The following ATXN2 variants were observed in gnomAD, a reference collection of about 807,000 sequenced individuals.
ATXN2 encodes the protein ataxin-2.
ATXN2 carries 37 observed loss-of-function variants against 138.6 expected under a neutral mutation model. That is an observed-to-expected ratio of 0.27 (90% CI 0.21 to 0.35). The LOEUF is 0.35. Among genes scored for constraint, ATXN2 ranks in the 10% least tolerant of loss-of-function variants. The pLI, the probability that ATXN2 is intolerant of heterozygous loss-of-function variation, is 1.00. For missense variants in ATXN2, 1,216 were observed against 1,480.3 expected (o/e 0.82, Z 2.93); for synonymous variants, 549 against 543.7 (o/e 1.01, Z -0.13).
At chr12:111,500,821 T>C (rs1296102008) in intron 14 of ATXN2, among the ~76,000 whole-genome samples, 1 of 152,072 alleles carries the variant, frequency 6.6e-6, no homozygotes, top group Non-Finnish European at 1.5e-5. Flanking sequence ...TGCAGTGAGT[T>C]GAGACTGCGC....
intron 14 of ATXN2, among the ~76,000 whole-genome samples, chr12:111,498,131 C>T (rs1878546327): frequency 6.6e-6 from 1 of 152,124 alleles, no homozygotes; most frequent in Admixed American, 6.5e-5. Context: ...AAGGGAAAAA[C>T]TGAAAGGCTT....
intron 8 of ATXN2, among the ~76,000 whole-genome samples, chr12:111,519,665 T>C (rs1465073273): frequency 6.6e-6 from 1 of 152,190 alleles, no homozygotes; most frequent in African/African-American, 2.4e-5. Flanking sequence ...TTGCTCACCG[T>C]GATATACCAA....
chr12:111,497,236 T>C (rs530124301), intron 14 of ATXN2, among the ~76,000 whole-genome samples: 1 of 152,108 alleles, frequency 6.6e-6, no homozygotes, highest in Admixed American at 6.5e-5. Context: ...CTATAAGAAA[T>C]AGTCTCCCAG....
intron 1 of ATXN2, among the ~76,000 whole-genome samples, chr12:111,582,287 T>C (rs1365693096): frequency 6.6e-6 from 1 of 151,552 alleles, no homozygotes; most frequent in East Asian, 1.9e-4. Context: ...CTACTAAAAA[T>C]ACAAAAAATT....
chr12:111,501,400 G>A (rs944753277), intron 14 of ATXN2, among the ~76,000 whole-genome samples: 2 of 152,148 alleles, frequency 1.3e-5, no homozygotes, highest in Non-Finnish European at 2.9e-5. Context: ...TTAGGACAAC[G>A]GACCTAAGCC....
chr12:111,599,098 G>A lies in ATXN2; in HGVS notation c.-64C>T. 1 of 1,317,586 alleles carries A rather than the reference G, an allele frequency of 7.6e-7. No individual in the cohort carries two copies. Among genetic ancestry groups the A allele is most frequent in the African/African-American group, 1.5e-5 (1 of 64,826 alleles). The allele number at this position is 1,317,586 out of a possible 1,614,324, so 81.6% of individuals were successfully genotyped here. A position where few individuals can be genotyped will look rare whatever the true frequency, so the allele number is the denominator to read the frequency against. ...GACAGCCGGGAGCCGGGCGCGCCAA[G>A]GAGACGCCGGAACGCGGCGGGGACG... On this transcript the variant is annotated 5_prime_UTR_variant, in exon 1 of 25. Coordinates refer to ENST00000673436, the MANE Select transcript of ATXN2 (RefSeq NM_001372574.1).
At chr12:111,545,052 G>A (rs1322936245) in intron 5 of ATXN2, among the ~76,000 whole-genome samples, 3 of 151,724 alleles carry the variant, frequency 2.0e-5, no homozygotes, top group Non-Finnish European at 2.9e-5. Context: ...CCAGCTACTC[G>A]GGAGGCTGAG....
intron 5 of ATXN2, among the ~76,000 whole-genome samples, chr12:111,527,911 C>T (rs1880589135): frequency 1.3e-5 from 2 of 152,110 alleles, no homozygotes; most frequent in Non-Finnish European, 2.9e-5. Context: ...TTAATTTAGC[C>T]ATGTGTATTT....
At chr12:111,501,949 T>C (rs1878799440) in intron 14 of ATXN2, among the ~76,000 whole-genome samples, 1 of 152,052 alleles carries the variant, frequency 6.6e-6, no homozygotes, top group African/African-American at 2.4e-5. Flanking sequence ...TGGAGCGCAG[T>C]GGTGCAAGCT....
At chr12:111,483,300 G>A (rs1339782145) in intron 18 of ATXN2, among the ~76,000 whole-genome samples, 1 of 150,410 alleles carries the variant, frequency 6.6e-6, no homozygotes, top group Non-Finnish European at 1.5e-5. Context: ...AAAACTTTAT[G>A]TCAGAAAGGC....
At chr12:111,584,110 G>A (rs540366422) in intron 1 of ATXN2, among the ~76,000 whole-genome samples, 4 of 151,760 alleles carry the variant, frequency 2.6e-5, no homozygotes, top group East Asian at 1.9e-4. Context: ...GGCTAGGCAC[G>A]GTGGCTCATC....
chr12:111,524,520 T>C (rs1880373176), intron 6 of ATXN2, among the ~76,000 whole-genome samples: 1 of 152,202 alleles, frequency 6.6e-6, no homozygotes, highest in African/African-American at 2.4e-5. Context: ...GGACTCCAAC[T>C]CCTGGGCTCA....
chr12:111,531,665 A>C (rs2135755538), intron 5 of ATXN2, among the ~76,000 whole-genome samples: 1 of 152,344 alleles, frequency 6.6e-6, no homozygotes, highest in South Asian at 2.1e-4. Context: ...GTTGGGGATA[A>C]GAAACACAGT....
intron 14 of ATXN2, among the ~76,000 whole-genome samples, chr12:111,507,634 C>T (rs1453691602): frequency 1.3e-5 from 2 of 152,210 alleles, no homozygotes; most frequent in Non-Finnish European, 2.9e-5. Context: ...GCCCCTCTGC[C>T]CGGCCACCAC....
Position 111,452,610 on chromosome 12 carries a change from C to T in ATXN2, c.*202G>A. 2 of 615,076 alleles carry T rather than the reference C, an allele frequency of 3.3e-6. No individual in the cohort carries two copies. The highest frequency in any genetic ancestry group is 2.9e-5 in the Admixed American group (1 of 34,732). 38.1% of individuals were successfully genotyped at this position (615,076 alleles called of 1,614,324 possible). A position where few individuals can be genotyped will look rare whatever the true frequency, so the allele number is the denominator to read the frequency against. On this transcript the variant is annotated 3_prime_UTR_variant, in exon 25 of 25. Transcript: ENST00000673436. Reference sequence around the variant, plus strand: ...ACAGCATATGGAATTATGGAATAGCCCCCAAGTTCCTAAATGCCTCTACTC... The same window carrying T: ...ACAGCATATGGAATTATGGAATAGCTCCCAAGTTCCTAAATGCCTCTACTC...
Position 111,599,154 on chromosome 12 carries a change from G to C in ATXN2, c.-120C>G. ...GCGCCGAGCGGGGAGGCGCGGGTTG[G>C]CGCGGCCGGAGGGGCGCCCGGGCTG... On this transcript the variant is annotated 5_prime_UTR_variant, in exon 1 of 25. Transcript: ENST00000673436. The C allele has an allele frequency of 1.7e-6, 2 of 1,211,282 alleles. No homozygotes were observed. The highest frequency in any genetic ancestry group is 1.6e-5 in the African/African-American group (1 of 63,050). The allele number at this position is 1,211,282 out of a possible 1,614,324, so 75.0% of individuals were successfully genotyped here.
At chr12:111,535,955 C>T (rs1052536099) in intron 5 of ATXN2, among the ~76,000 whole-genome samples, 2 of 149,078 alleles carry the variant, frequency 1.3e-5, no homozygotes, top group African/African-American at 5.0e-5. Context: ...AGCCGAGATC[C>T]CGCCACTGCA....
intron 1 of ATXN2, among the ~76,000 whole-genome samples, chr12:111,584,095 T>A (rs1884180834): frequency 1.3e-5 from 2 of 151,226 alleles, no homozygotes; most frequent in African/African-American, 2.4e-5. Context: ...TAAAAAAAAA[T>A]TTTTGGCTAG....
chr12:111,519,912 G>C lies in ATXN2; in HGVS notation c.953C>G (p.Ser318Cys). 2.5e-6 allele frequency: 4 copies of C among 1,614,026 alleles called. No individual in the cohort carries two copies. The highest frequency in any genetic ancestry group is 3.4e-6 in the Non-Finnish European group (4 of 1,180,012). ...TATGCTGTGCCCCTCACGTTCACTGGAATTTCTCTGAACTGCTGTGTATTT... is the reference window on the plus strand; with the variant it reads ...TATGCTGTGCCCCTCACGTTCACTGCAATTTCTCTGAACTGCTGTGTATTT... ...EEKYTAVQRNSSEREGHSINT... is the reference protein window; with the variant it reads ...EEKYTAVQRNCSEREGHSINT... Residue 318 changes from serine to cysteine, a missense_variant, in exon 8 of 25, where the codon TCC becomes TGC. Physicochemically the swap from Ser to Cys is moderately radical, Grantham distance 112. Around this residue, in one of 4 missense-constraint regions of ATXN2, gnomAD observed 401 missense variants for 528.1 expected, o/e 0.76. Transcript: ENST00000673436.
Sources: allele counts gnomAD v4.1 joint callset (sites outside exome capture counted in the v4.1 genomes callset), GRCh38; gene constraint gnomAD v4.1.1; regional missense constraint gnomAD v4.1.1; transcripts MANE v1.5; gene names NCBI Gene and HGNC (gene_info 2026-07-23, HGNC 2026-07-21).